MARCHF5: variants seen among roughly 807,000 people sequenced by gnomAD.
The protein encoded by MARCHF5 is membrane associated ring-CH-type finger 5, also known as E3 ubiquitin-protein ligase MARCHF5.
A neutral mutation model predicts 36.5 loss-of-function variants in MARCHF5; 5 were observed. The ratio of observed to expected loss-of-function variants is 0.14; its 90% CI spans 0.07 to 0.29. The LOEUF is 0.29. Ranked by LOEUF, MARCHF5 falls within the 10% of genes least tolerant of loss-of-function variation. MARCHF5 has a pLI of 1.00. For missense variants in MARCHF5, 179 were observed against 336.3 expected (o/e 0.53, Z 3.66); for synonymous variants, 103 against 109.9 (o/e 0.94, Z 0.39).
intron 3 of MARCHF5, among the ~76,000 whole-genome samples, chr10:92,341,201 G>A (rs1429089329): frequency 1.3e-5 from 2 of 152,178 alleles, no homozygotes; most frequent in Non-Finnish European, 2.9e-5. Flanking sequence ...TCAGGAGTTC[G>A]AGACCAGCCT....
intron 1 of MARCHF5, among the ~76,000 whole-genome samples, chr10:92,300,817 G>T (rs1843003115): frequency 6.6e-6 from 1 of 151,340 alleles, no homozygotes; most frequent in African/African-American, 2.4e-5. Context: ...ATGCTCTTCT[G>T]ACCATGTCTG....
At chr10:92,295,840 C>T in intron 1 of MARCHF5, among the ~76,000 whole-genome samples, 1 of 151,604 alleles carries the variant, frequency 6.6e-6, no homozygotes, top group South Asian at 2.1e-4. Flanking sequence ...AATACATATA[C>T]ATACGTATAT....
At chr10:92,320,555 A>G (rs1484320260) in intron 2 of MARCHF5, among the ~76,000 whole-genome samples, 1 of 152,030 alleles carries the variant, frequency 6.6e-6, no homozygotes, top group East Asian at 1.9e-4. Flanking sequence ...TTAATTGATG[A>G]TCCTGACCCT....
rs1000874517 is a variant in MARCHF5, at chr10:92,352,331, C to T, written c.*1124C>T. The T allele has an allele frequency of 6.6e-6, 1 of 152,092 alleles. No individual in the cohort carries two copies. The highest frequency in any genetic ancestry group is 6.5e-5 in the Admixed American group (1 of 15,274). 9.4% of individuals were successfully genotyped at this position (152,092 alleles called of 1,614,324 possible). On this transcript the variant is annotated 3_prime_UTR_variant, in exon 6 of 6. Coordinates refer to ENST00000358935, the MANE Select transcript of MARCHF5 (RefSeq NM_017824.5). Reference sequence around the variant, plus strand: ...AGAAGTCTTAAGTAAATATTGAGGTCATTGTTTTTGGCTTAAGTTTATTAT... The same window carrying T: ...AGAAGTCTTAAGTAAATATTGAGGTTATTGTTTTTGGCTTAAGTTTATTAT...
intron 2 of MARCHF5, among the ~76,000 whole-genome samples, chr10:92,332,666 G>T (rs754045794): frequency 6.6e-6 from 1 of 151,352 alleles, no homozygotes; most frequent in African/African-American, 2.4e-5. Flanking sequence ...GATTACAGGC[G>T]CACGCCACCA....
rs138268562 is a variant in MARCHF5, at chr10:92,306,444, A to G, written c.36-4691A>G. 8.9e-3 allele frequency among the ~76,000 whole-genome samples: 1,351 copies of G among 152,296 alleles called. 22 individuals are homozygous for G. The highest frequency in any genetic ancestry group is 0.031 in the African/African-American group (1,277 of 41,556). ...ATGTTGGAGGGAAGAGCGATTTTCCATAGAAAGCATGGGATACTATTTACT... is the reference window on the plus strand; with the variant it reads ...ATGTTGGAGGGAAGAGCGATTTTCCGTAGAAAGCATGGGATACTATTTACT... On this transcript the variant is annotated intron_variant, in intron 1 of 5. Coordinates refer to ENST00000358935, the MANE Select transcript of MARCHF5 (RefSeq NM_017824.5).
At chr10:92,332,364 C>T (rs921129379) in intron 2 of MARCHF5, among the ~76,000 whole-genome samples, 6 of 152,038 alleles carry the variant, frequency 3.9e-5, no homozygotes, top group African/African-American at 1.2e-4. Context: ...AAATCTCAAA[C>T]TACCAGCAGA....
chr10:92,299,482 A>T (rs1842987271), intron 1 of MARCHF5, among the ~76,000 whole-genome samples: 1 of 152,032 alleles, frequency 6.6e-6, no homozygotes, highest in Non-Finnish European at 1.5e-5. Flanking sequence ...CCTCCCTCCT[A>T]ACACCTGGTG....
At chr10:92,306,502 C>T (rs192397235) in intron 1 of MARCHF5, among the ~76,000 whole-genome samples, 7 of 152,298 alleles carry the variant, frequency 4.6e-5, no homozygotes, top group African/African-American at 1.7e-4. Flanking sequence ...GTTGTATGTA[C>T]ATTAAACATC....
intron 2 of MARCHF5, among the ~76,000 whole-genome samples, chr10:92,328,821 A>ATATATATATATAT (rs372130854): frequency 7.4e-5 from 9 of 122,416 alleles, no homozygotes; most frequent in African/African-American, 2.8e-4. Context: ...ATATATATAT[A>ATATATATATATAT]TTTTTTTTTT....
At chr10:92,347,561 A>G (rs1020109669) in intron 3 of MARCHF5, among the ~76,000 whole-genome samples, 1 of 152,154 alleles carries the variant, frequency 6.6e-6, no homozygotes, top group Non-Finnish European at 1.5e-5. Flanking sequence ...AGATAGATAA[A>G]GAAATTTCCT....
Position 92,317,185 on chromosome 10 carries a change from A to G in MARCHF5, c.238+5848A>G, listed in dbSNP as rs542964406. 5.3e-5 allele frequency among the ~76,000 whole-genome samples: 8 copies of G among 152,154 alleles called. No homozygotes were observed. The South Asian group carries it at 8.3e-4, about 16-fold the overall frequency. ...AGTGGTGCGAAGTTGGCTCACTGCA[A>G]CCTCTGCCTCCTGGGTTCAAGCAGT... On this transcript the variant is annotated intron_variant, in intron 2 of 5. Coordinates refer to ENST00000358935, the MANE Select transcript of MARCHF5 (RefSeq NM_017824.5).
At chr10:92,313,734 CA>C (rs894627064) in intron 2 of MARCHF5, among the ~76,000 whole-genome samples, 1 of 150,578 alleles carries the variant, frequency 6.6e-6, no homozygotes, top group Non-Finnish European at 1.5e-5. Flanking sequence ...CCAAAAATAA[CA>C]AAAAAAAATT....
At chr10:92,292,893 A>G (rs1328477677) in intron 1 of MARCHF5, among the ~76,000 whole-genome samples, 2 of 152,054 alleles carry the variant, frequency 1.3e-5, no homozygotes, top group South Asian at 2.1e-4. Flanking sequence ...CAGTTTCCCC[A>G]GTTGTCTAGG....
At position 92,297,534 on chromosome 10, in the gene MARCHF5, G is replaced by A. The variant is rs535623772; in HGVS notation, c.35+6005G>A. ...GACAGAGTCTCACCCTGCCACCCAA[G>A]CTGGAGTGCAATGGCGTGGTCTCGG... On this transcript the variant is annotated intron_variant, in intron 1 of 5. Coordinates refer to ENST00000358935, the MANE Select transcript of MARCHF5 (RefSeq NM_017824.5). 2.3e-5 allele frequency among the ~76,000 whole-genome samples: 3 copies of A among 131,894 alleles called. No individual in the cohort carries two copies. The South Asian group carries it at 7.2e-4, about 32-fold the overall frequency. 86.5% of individuals were successfully genotyped at this position (131,894 alleles called of 152,430 possible).
intron 1 of MARCHF5, among the ~76,000 whole-genome samples, chr10:92,294,784 T>A (rs764035014): frequency 4.6e-5 from 7 of 152,238 alleles, no homozygotes; most frequent in South Asian, 2.1e-4. Flanking sequence ...ATGCCTGTAA[T>A]CCCAGCACTT....
chr10:92,307,065 A>G (rs922369979), intron 1 of MARCHF5, among the ~76,000 whole-genome samples: 3 of 152,138 alleles, frequency 2.0e-5, no homozygotes, highest in African/African-American at 7.2e-5. Flanking sequence ...CTGCAGTCCT[A>G]GGTAATCAGG....
At position 92,353,457 on chromosome 10, in the gene MARCHF5, A is replaced by G. The variant is rs1484071160; in HGVS notation, c.*2250A>G. The G allele has an allele frequency of 1.3e-5, 2 of 152,186 alleles. No homozygotes were observed. Among genetic ancestry groups the G allele is most frequent in the African/African-American group, 2.4e-5 (1 of 41,432 alleles). The allele number at this position is 152,186 out of a possible 1,614,324, so 9.4% of individuals were successfully genotyped here. A position where few individuals can be genotyped will look rare whatever the true frequency, so the allele number is the denominator to read the frequency against. On this transcript the variant is annotated 3_prime_UTR_variant, in exon 6 of 6. Coordinates refer to ENST00000358935, the MANE Select transcript of MARCHF5 (RefSeq NM_017824.5). Reference sequence around the variant, plus strand: ...CAAATAATGTTTATCTCAGAAGACTATTTCTAGGATTAACTGAGAGATTAA... The same window carrying G: ...CAAATAATGTTTATCTCAGAAGACTGTTTCTAGGATTAACTGAGAGATTAA...
intron 1 of MARCHF5, among the ~76,000 whole-genome samples, chr10:92,292,785 A>G (rs1203320467): frequency 1.3e-5 from 2 of 152,184 alleles, no homozygotes; most frequent in African/African-American, 4.8e-5. Flanking sequence ...GGAAGCAGAA[A>G]CTTACTATTG....
Sources: gnomAD v4.1 joint callset for allele counts (sites outside exome capture counted in the v4.1 genomes callset) on GRCh38, gnomAD v4.1.1 for gene constraint, MANE v1.5 for transcripts, NCBI Gene and HGNC (gene_info 2026-07-23, HGNC 2026-07-21) for gene names.